TET2: variants seen among roughly 807,000 people sequenced by gnomAD.
TET2 encodes methylcytosine dioxygenase TET2.
A neutral mutation model predicts 142.9 loss-of-function variants in TET2; 299 were observed. That is an observed-to-expected ratio of 2.09 (90% confidence interval 1.90 to 2.30). The LOEUF (loss-of-function observed/expected upper bound fraction) is 2.30, where lower values mean the gene tolerates loss of function less well. Among genes scored for constraint, TET2 ranks in the 30% most tolerant of loss-of-function variants. The pLI, the probability that TET2 is intolerant of heterozygous loss-of-function variation, is 0.00. For missense variants in TET2, 2,418 were observed against 2,378.0 expected (o/e 1.02, Z -0.35); for synonymous variants, 819 against 849.0 (o/e 0.96, Z 0.61).
intron 1 of TET2, among the ~76,000 whole-genome samples, chr4:105,159,893 A>T (rs1204207396): frequency 6.6e-6 from 1 of 152,058 alleles, no homozygotes; most frequent in Non-Finnish European, 1.5e-5. Context: ...AATCCCAGCT[A>T]CTTGGGAGAC....
At chr4:105,264,102 ATTTTTT>A (rs796297285) in intron 8 of TET2, among the ~76,000 whole-genome samples, 2 of 139,662 alleles carry the variant, frequency 1.4e-5, no homozygotes, top group East Asian at 4.1e-4. Flanking sequence ...CGTCCCAAAC[ATTTTTT>A]TTTTTTTTTG....
chr4:105,218,504 G>T (rs992467016), intron 2 of TET2, among the ~76,000 whole-genome samples: 1 of 152,030 alleles, frequency 6.6e-6, no homozygotes, highest in African/African-American at 2.4e-5. Flanking sequence ...AGTGGTCTTC[G>T]TGATGAGTTA....
At chr4:105,269,559 G>A (rs1560569271) in intron 8 of TET2, 51 bp from the exon 9 acceptor site, 1 of 1,539,054 alleles carries the variant, frequency 6.5e-7, no homozygotes, top group Admixed American at 2.0e-5. Context: ...AGTTTTCGGT[G>A]TAAGAGTAAA....
chr4:105,264,567 C>T (rs1730598963), intron 8 of TET2, among the ~76,000 whole-genome samples: 1 of 152,006 alleles, frequency 6.6e-6, no homozygotes, highest in Non-Finnish European at 1.5e-5. Flanking sequence ...AATATGAAGC[C>T]ATCAAATATG....
At position 105,278,192 on chromosome 4, in the gene TET2, A is replaced by ATG. The variant is rs965989972; in HGVS notation, c.*1674_*1675insGT. 6.3e-6 allele frequency: 1 copy of ATG among 157,568 alleles called. No homozygotes were observed. Among genetic ancestry groups the ATG allele is most frequent in the African/African-American group, 2.6e-5 (1 of 38,440 alleles). The allele number at this position is 157,568 out of a possible 1,614,324, so 9.8% of individuals were successfully genotyped here. On this transcript the variant is annotated 3_prime_UTR_variant, in exon 11 of 11. Transcript: ENST00000380013. ...TATACATATATATATATATATATAT[A>ATG]TATATATATATGAGTTTGAAGCAGA...
At chr4:105,237,517 G>C in intron 3 of TET2, 166 bp downstream of exon 3, 1 of 1,586,736 alleles carries the variant, frequency 6.3e-7, no homozygotes, top group African/African-American at 1.4e-5. Flanking sequence ...ACCGATGCTT[G>C]TGTCTTGTGA....
intron 9 of TET2, among the ~76,000 whole-genome samples, chr4:105,271,112 GTTTA>G (rs1730943656): frequency 6.6e-6 from 1 of 152,008 alleles, no homozygotes; most frequent in Non-Finnish European, 1.5e-5. Flanking sequence ...GGGTTTTTTT[GTTTA>G]TTTTGTTTTT....
chr4:105,150,546 C>G (rs1723245525), intron 1 of TET2, among the ~76,000 whole-genome samples: 1 of 152,126 alleles, frequency 6.6e-6, no homozygotes, highest in African/African-American at 2.4e-5. Context: ...CACAGTAGTT[C>G]TTAAGGATAG....
At chr4:105,271,755 C>T (rs1730975233) in intron 9 of TET2, among the ~76,000 whole-genome samples, 1 of 152,016 alleles carries the variant, frequency 6.6e-6, no homozygotes, top group African/African-American at 2.4e-5. Context: ...ATTTAAAAAC[C>T]ACAAATAATC....
At chr4:105,161,799 A>G (rs1723872317) in intron 1 of TET2, among the ~76,000 whole-genome samples, 1 of 152,210 alleles carries the variant, frequency 6.6e-6, no homozygotes, top group East Asian at 1.9e-4. Context: ...CTTCATAAAG[A>G]TGAGACTGAG....
At position 105,275,191 on chromosome 4, in the gene TET2, T is replaced by G. The variant is rs1242525559; in HGVS notation, c.4681T>G (p.Ser1561Ala). 4 of 1,552,136 alleles carry G rather than the reference T, an allele frequency of 2.6e-6. No homozygotes were observed. Residue 1561 changes from serine to alanine, a missense_variant, in exon 11 of 11, where the codon TCT becomes GCT. Transcript: ENST00000380013. ...HPQTESVNSY[S>A]ASGSTNPYMR... ...TCAGACAGAGTCTGTCAACTCTTAT[T>G]CTGCTTCTGGATCCACCAATCCATA...
intron 2 of TET2, among the ~76,000 whole-genome samples, chr4:105,226,798 TA>T (rs1728221471): frequency 6.6e-6 from 1 of 152,160 alleles, no homozygotes; most frequent in East Asian, 1.9e-4. Context: ...ATGAGCCAAT[TA>T]AACCTATTTT....
chr4:105,277,582 A>G lies in TET2; in HGVS notation c.*1063A>G. 4.4e-6 allele frequency: 1 copy of G among 228,248 alleles called. No homozygotes were observed. Among genetic ancestry groups the G allele is most frequent in the Non-Finnish European group, 8.7e-6 (1 of 114,964 alleles). The allele number at this position is 228,248 out of a possible 1,614,324, so 14.1% of individuals were successfully genotyped here. On this transcript the variant is annotated 3_prime_UTR_variant, in exon 11 of 11. Coordinates refer to ENST00000380013, the MANE Select transcript of TET2 (RefSeq NM_001127208.3). The stretch of plus-strand genomic sequence containing the variant: ...TTAGCCATGCATCTGCTGATGAGCA[A>G]TTGTGTCCATTTTTAACACAGCCAG...
chr4:105,206,226 TG>T (rs1215096861), intron 2 of TET2, among the ~76,000 whole-genome samples: 7 of 152,242 alleles, frequency 4.6e-5, no homozygotes, highest in African/African-American at 1.7e-4. Flanking sequence ...TTGCTGAGTT[TG>T]TATATATTTC....
Position 105,275,449 on chromosome 4 carries a change from G to T in TET2, c.4939G>T (p.Gly1647Cys), listed in dbSNP as rs1402182437. The T allele has an allele frequency of 1.3e-6, 2 of 1,551,548 alleles. No individual in the cohort carries two copies. Among genetic ancestry groups the T allele is most frequent in the East Asian group, 2.4e-5 (1 of 40,922 alleles). Residue 1647 changes from glycine (G) to cysteine (C), a missense_variant, in exon 11 of 11, where the codon GGT (glycine) becomes TGT (cysteine). Coordinates refer to ENST00000380013, the MANE Select transcript of TET2 (RefSeq NM_001127208.3). ...LSVDNCSPYL[G>C]SYSPQSQPMD... Reference sequence around the variant, plus strand: ...AGTGGACAACTGCTCCCCATATCTGGGTTCCTATTCTCCCCAGTCTCAGCC... The same window carrying T: ...AGTGGACAACTGCTCCCCATATCTGTGTTCCTATTCTCCCCAGTCTCAGCC...
At chr4:105,183,951 A>G (rs1578575867) in intron 1 of TET2, among the ~76,000 whole-genome samples, 1 of 152,198 alleles carries the variant, frequency 6.6e-6, no homozygotes, top group Non-Finnish European at 1.5e-5. Context: ...TAGGAATGGT[A>G]AGTCTATTGT....
chr4:105,182,534 G>T (rs930354241), intron 1 of TET2, among the ~76,000 whole-genome samples: 1 of 152,180 alleles, frequency 6.6e-6, no homozygotes, highest in Non-Finnish European at 1.5e-5. Context: ...GTAGACACTT[G>T]CAATTTTGCA....
chr4:105,161,568 A>G (rs1560715153), intron 1 of TET2, among the ~76,000 whole-genome samples: 1 of 152,162 alleles, frequency 6.6e-6, no homozygotes, highest in African/African-American at 2.4e-5. Flanking sequence ...AAATCATCCT[A>G]TCTTATATTA....
In TET2 at chr4:105,278,372, C is replaced by T. The variant is rs1451403766; in HGVS notation, c.*1853C>T. The stretch of plus-strand genomic sequence containing the variant: ...AACTGAGAGTGAAAGCATTGTGTAC[C>T]ATCATTTTTTTCCAAGTCCTTTTTT... On this transcript the variant is annotated 3_prime_UTR_variant, in exon 11 of 11. Coordinates refer to ENST00000380013, the MANE Select transcript of TET2 (RefSeq NM_001127208.3). 4.2e-5 allele frequency: 9 copies of T among 212,454 alleles called. No homozygotes were observed. The highest frequency in any genetic ancestry group is 8.5e-5 in the Non-Finnish European group (9 of 105,878). 13.2% of individuals were successfully genotyped at this position (212,454 alleles called of 1,614,324 possible).
Sources: allele counts gnomAD v4.1 joint callset (sites outside exome capture counted in the v4.1 genomes callset), GRCh38; gene constraint gnomAD v4.1.1; transcripts MANE v1.5; gene names NCBI Gene and HGNC (gene_info 2026-07-23, HGNC 2026-07-21).